Variants in SULT6B1 observed in about 807,000 individuals in gnomAD.
The protein encoded by SULT6B1 is sulfotransferase family 6B member 1.
Under a neutral mutation model 37.2 loss-of-function variants are expected in SULT6B1, and 44 were observed. The ratio of observed to expected loss-of-function variants is 1.18; its 90% CI spans 0.93 to 1.52. SULT6B1 has a LOEUF of 1.52. Ranked by LOEUF, SULT6B1 falls within the 40% of genes most tolerant of loss-of-function variation. The pLI is 0.00. For missense variants in SULT6B1, 450 were observed against 361.0 expected (o/e 1.25, Z -2.00); for synonymous variants, 140 against 126.0 (o/e 1.11, Z -0.74).
At chr2:37,180,714 G>C (rs1326406217) in intron 3 of SULT6B1, among the ~76,000 whole-genome samples, 1 of 152,034 alleles carries the variant, frequency 6.6e-6, no homozygotes, top group Non-Finnish European at 1.5e-5. Context: ...GGAAACCCTG[G>C]TGCTACTAAA....
In SULT6B1 at chr2:37,187,232, C is replaced by T. The variant is rs1676693530; in HGVS notation, c.312+123G>A. The T allele has an allele frequency of 1.1e-5, 7 of 645,904 alleles. No individual in the cohort carries two copies. In the East Asian group the frequency reaches 1.9e-4, roughly 17 times the overall value. The allele number at this position is 645,904 out of a possible 1,614,324, so 40.0% of individuals were successfully genotyped here. The stretch of plus-strand genomic sequence containing the variant: ...TGAACAGTGCTGAGGATATGGTAAG[C>T]ACACAGTAAATTGTGGTAATTATTA... On this transcript the variant is annotated intron_variant, in intron 2 of 6. Coordinates refer to ENST00000535679, the MANE Select transcript of SULT6B1 (RefSeq NM_001367551.1).
chr2:37,170,532 C>T (rs1195857954), intron 6 of SULT6B1, among the ~76,000 whole-genome samples: 1 of 151,896 alleles, frequency 6.6e-6, no homozygotes, highest in Non-Finnish European at 1.5e-5. Flanking sequence ...TGCAGTGGCT[C>T]ACGCCTGTAA....
At chr2:37,179,050 C>G (rs565632531) in intron 4 of SULT6B1, among the ~76,000 whole-genome samples, 22 of 152,316 alleles carry the variant, frequency 1.4e-4, no homozygotes, top group African/African-American at 4.8e-4. Flanking sequence ...TCCCTGCCTT[C>G]TGGGTATAAG....
intron 2 of SULT6B1, among the ~76,000 whole-genome samples, chr2:37,185,584 G>A (rs1220459875): frequency 6.6e-6 from 1 of 151,888 alleles, no homozygotes; most frequent in Non-Finnish European, 1.5e-5. Context: ...TAGGCATGAT[G>A]GCGCACACCT....
Sources: allele counts gnomAD v4.1 joint callset (sites outside exome capture counted in the v4.1 genomes callset), GRCh38; gene constraint gnomAD v4.1.1; transcripts MANE v1.5; gene names NCBI Gene and HGNC (gene_info 2026-07-23, HGNC 2026-07-21).